DNAH14: variants seen among roughly 807,000 people sequenced by gnomAD.
The protein encoded by DNAH14 is dynein axonemal heavy chain 14.
DNAH14 carries 478 observed loss-of-function variants against 520.9 expected under a neutral mutation model. That is an observed-to-expected ratio of 0.92 (90% CI 0.85 to 0.99). The LOEUF (loss-of-function observed/expected upper bound fraction) is 0.99. DNAH14 is among the 50% of genes least tolerant of loss of function. The probability of loss-of-function intolerance (pLI) is 0.00; values close to 1 mark genes in which losing one functional copy is unlikely to be tolerated. For synonymous variants in DNAH14, 1,581 were observed against 1,757.2 expected (o/e 0.90, Z 2.51); for missense variants, 4,831 against 5,234.5 (o/e 0.92, Z 2.38).
At chr1:225,395,343 C>G (rs1216646130) in intron 84 of DNAH14, among the ~76,000 whole-genome samples, 1 of 152,140 alleles carries the variant, frequency 6.6e-6, no homozygotes, top group African/African-American at 2.4e-5. Context: ...CCTGTAATCC[C>G]AGCACTTTGT....
chr1:224,951,127 G>A (rs1044317448), intron 1 of DNAH14, among the ~76,000 whole-genome samples: 3 of 151,998 alleles, frequency 2.0e-5, no homozygotes, highest in African/African-American at 7.3e-5. Flanking sequence ...CTGGGTTCTA[G>A]CGATTTGCCT....
chr1:225,121,672 C>A (rs2077297157), intron 26 of DNAH14, among the ~76,000 whole-genome samples: 2 of 151,968 alleles, frequency 1.3e-5, no homozygotes, highest in Non-Finnish European at 2.9e-5. Context: ...GAAACCCTGT[C>A]TCTACTAAAA....
At chr1:225,114,306 G>A (rs927277909) in intron 23 of DNAH14, among the ~76,000 whole-genome samples, 2 of 152,138 alleles carry the variant, frequency 1.3e-5, no homozygotes, top group Admixed American at 6.5e-5. Flanking sequence ...TAGAATGGGA[G>A]CCTCATGACC....
At chr1:225,340,799 T>C in intron 69 of DNAH14, 98 bp downstream of exon 69, 1 of 1,344,394 alleles carries the variant, frequency 7.4e-7, no homozygotes, top group Non-Finnish European at 9.9e-7. Flanking sequence ...AAATACCAAA[T>C]CTCCATTTCC....
At chr1:225,249,724 A>G (rs902241804) in intron 43 of DNAH14, among the ~76,000 whole-genome samples, 4 of 152,216 alleles carry the variant, frequency 2.6e-5, no homozygotes, top group African/African-American at 4.8e-5. Flanking sequence ...TCTTTCCATT[A>G]TGATCTCCGT....
In DNAH14 at chr1:225,095,904, T is replaced by C. The variant is rs1379179366; in HGVS notation, c.3574-1214T>C. On this transcript the variant is annotated intron_variant, in intron 21 of 85. Transcript: ENST00000682510. ...TTCAGGGTAATGGATATGTTTGTTA[T>C]CTTGATTGTGGTGATGATTTCACAG... Among the ~76,000 whole-genome samples, 7 of 152,298 alleles carry C rather than the reference T, an allele frequency of 4.6e-5. No homozygotes were observed. In the South Asian group the frequency reaches 8.3e-4, roughly 18 times the overall value.
chr1:225,305,024 C>G lies in DNAH14; in HGVS notation c.8940C>G (p.Tyr2980Ter), dbSNP rs1336108797. ...TTTATTATACCACTCCCAATAGCTA[C>G]TTGCAATTTATGGAAACATTTGCAC... ...GRFYYTTPNS[Y>*]LQFMETFAHI... The change falls in exon 58 of 86, where the codon TAC (tyrosine) becomes TAG (stop). Residue 2980 changes from tyrosine (Y) to a stop codon, truncating the protein, a stop_gained. Transcript: ENST00000682510. LOFTEE classifies it high-confidence loss of function. 5.2e-6 allele frequency: 8 copies of G among 1,545,660 alleles called. No individual in the cohort carries two copies. Among genetic ancestry groups the G allele is most frequent in the Non-Finnish European group, 1.7e-6 (2 of 1,145,792 alleles).
intron 1 of DNAH14, among the ~76,000 whole-genome samples, chr1:224,947,288 G>T (rs2059907935): frequency 6.6e-6 from 1 of 151,996 alleles, no homozygotes; most frequent in Non-Finnish European, 1.5e-5. Flanking sequence ...CCATTACTAT[G>T]CTGCCTCAGT....
At chr1:225,049,045 CTA>C (rs2068234478) in intron 15 of DNAH14, among the ~76,000 whole-genome samples, 4 of 87,118 alleles carry the variant, frequency 4.6e-5, no homozygotes, top group Admixed American at 1.5e-4. Flanking sequence ...GATCTCTTGC[CTA>C]TTTTTTTTTT....
chr1:225,275,990 G>GA lies in DNAH14; in HGVS notation c.8093dup (p.Ile2699AspfsTer7). On this transcript the variant is annotated frameshift_variant, in exon 53 of 86. Coordinates refer to ENST00000682510, the MANE Select transcript of DNAH14 (RefSeq NM_001367479.1). LOFTEE classifies it high-confidence loss of function. ...TTCTTGGATATAAACAAGACTCATA[G>GA]AAAAAAGATTTATCAGAATACCAGT... The GA allele has an allele frequency of 7.2e-6, 3 of 416,930 alleles. No homozygotes were observed. Among genetic ancestry groups the GA allele is most frequent in the Admixed American group, 3.4e-5 (1 of 29,804 alleles). The allele number at this position is 416,930 out of a possible 1,614,324, so 25.8% of individuals were successfully genotyped here. A position where few individuals can be genotyped will look rare whatever the true frequency, so the allele number is the denominator to read the frequency against.
intron 17 of DNAH14, among the ~76,000 whole-genome samples, chr1:225,074,632 G>A (rs1017223950): frequency 1.3e-5 from 2 of 152,214 alleles, no homozygotes; most frequent in African/African-American, 4.8e-5. Context: ...GGAGGCCCCA[G>A]TTTGGAGGTC....
chr1:225,074,288 C>T lies in DNAH14; in HGVS notation c.2425-4919C>T, dbSNP rs187772001. ...TGCTGGGATTACAGGCGTGAGCCAC[C>T]GCGCCCGGCCTGTCTTAGGAAGTTT... On this transcript the variant is annotated intron_variant, in intron 17 of 85. Transcript: ENST00000682510. Among the ~76,000 whole-genome samples the T allele has an allele frequency of 5.1e-3, 774 of 152,322 alleles. 6 individuals carry two copies. The highest frequency in any genetic ancestry group is 0.018 in the African/African-American group (730 of 41,564).
intron 27 of DNAH14, among the ~76,000 whole-genome samples, chr1:225,138,256 T>G (rs1266714963): frequency 6.6e-6 from 1 of 152,202 alleles, no homozygotes; most frequent in Admixed American, 6.5e-5. Context: ...GGCCCCTCCT[T>G]GTCTGGACCA....
At chr1:225,218,289 C>A (rs2089642338) in intron 41 of DNAH14, among the ~76,000 whole-genome samples, 1 of 152,120 alleles carries the variant, frequency 6.6e-6, no homozygotes, top group African/African-American at 2.4e-5. Context: ...ATGACAGGGT[C>A]AAATTTACAC....
intron 12 of DNAH14, 149 bp downstream of exon 12, chr1:225,038,972 T>C: frequency 1.5e-6 from 1 of 648,816 alleles, no homozygotes; most frequent in Non-Finnish European, 2.5e-6. Context: ...CTGCTCCCAC[T>C]GTAAAAAGCC....
intron 21 of DNAH14, among the ~76,000 whole-genome samples, chr1:225,094,056 C>G (rs1225137305): frequency 6.6e-6 from 1 of 152,120 alleles, no homozygotes; most frequent in African/African-American, 2.4e-5. Flanking sequence ...CCATACTGCC[C>G]AAAGCGTTTT....
At chr1:225,112,133 A>G (rs1394415940) in intron 23 of DNAH14, among the ~76,000 whole-genome samples, 2 of 152,088 alleles carry the variant, frequency 1.3e-5, no homozygotes, top group Non-Finnish European at 2.9e-5. Context: ...ACTCTCTTCA[A>G]CATTTCTTGT....
At chr1:225,016,726 G>GT (rs894041672) in intron 10 of DNAH14, among the ~76,000 whole-genome samples, 18 of 150,554 alleles carry the variant, frequency 1.2e-4, no homozygotes, top group African/African-American at 3.2e-4. Context: ...TTTCTTCACT[G>GT]TTTTTTTTCT....
At chr1:225,013,815 T>G (rs900710045) in intron 10 of DNAH14, among the ~76,000 whole-genome samples, 2 of 152,136 alleles carry the variant, frequency 1.3e-5, no homozygotes, top group Non-Finnish European at 2.9e-5. Flanking sequence ...CCACCAAGCT[T>G]GAGCATCCCA....
Sources: gnomAD v4.1 joint callset for allele counts (sites outside exome capture counted in the v4.1 genomes callset) on GRCh38, gnomAD v4.1.1 for gene constraint, MANE v1.5 for transcripts, NCBI Gene and HGNC (gene_info 2026-07-23, HGNC 2026-07-21) for gene names.